Variants in ADCY5 observed in about 807,000 individuals in gnomAD.
ADCY5 encodes the protein adenylate cyclase 5, also known as adenylate cyclase type 5.
ADCY5 carries 30 observed loss-of-function variants against 119.7 expected under a neutral mutation model. The ratio of observed to expected loss-of-function variants is 0.25; its 90% CI spans 0.19 to 0.34. The LOEUF (loss-of-function observed/expected upper bound fraction) is 0.34. Ranked by LOEUF, ADCY5 falls within the 10% of genes least tolerant of loss-of-function variation. The pLI is 1.00. For synonymous variants in ADCY5, 753 were observed against 762.2 expected (o/e 0.99, Z 0.20); for missense variants, 1,324 against 1,775.2 (o/e 0.75, Z 4.57).
chr3:123,329,165 T>C (rs1941642852), intron 5 of ADCY5, among the ~76,000 whole-genome samples: 1 of 152,228 alleles, frequency 6.6e-6, no homozygotes, highest in Non-Finnish European at 1.5e-5. Context: ...ACAGGGAAGT[T>C]ACCACCACTC....
At chr3:123,285,674 A>G (rs1938698292) in intron 20 of ADCY5, among the ~76,000 whole-genome samples, 3 of 152,200 alleles carry the variant, frequency 2.0e-5, no homozygotes. Context: ...TTGCTGGGTC[A>G]TTATGGTGGC....
chr3:123,363,112 C>T lies in ADCY5; in HGVS notation c.1135-10531G>A, dbSNP rs895450634. On this transcript the variant is annotated intron_variant, in intron 1 of 20. Coordinates refer to ENST00000462833, the MANE Select transcript of ADCY5 (RefSeq NM_183357.3). ...GAGCCGAGATCACATCATTGCACTCCAGCCCAGGCAACAGAGCAAGATTCC... is the reference window on the plus strand; with the variant it reads ...GAGCCGAGATCACATCATTGCACTCTAGCCCAGGCAACAGAGCAAGATTCC... 1.7e-4 allele frequency among the ~76,000 whole-genome samples: 24 copies of T among 141,808 alleles called. 1 individual carries two copies. Among genetic ancestry groups the T allele is most frequent in the South Asian group, 2.3e-4 (1 of 4,438 alleles). The allele number at this position is 141,808 out of a possible 152,430, so 93.0% of individuals were successfully genotyped here. A position where few individuals can be genotyped will look rare whatever the true frequency, so the allele number is the denominator to read the frequency against.
intron 1 of ADCY5, among the ~76,000 whole-genome samples, chr3:123,366,257 CA>C (rs1943433595): frequency 6.6e-6 from 1 of 152,200 alleles, no homozygotes; most frequent in Non-Finnish European, 1.5e-5. Context: ...GGAGGCAGGA[CA>C]GGAGGGACCT....
In ADCY5 at chr3:123,284,522, T is replaced by C. The variant is rs1015411951; in HGVS notation, c.*86A>G. 1 of 1,572,562 alleles carries C rather than the reference T, an allele frequency of 6.4e-7. No individual in the cohort carries two copies. Among genetic ancestry groups the C allele is most frequent in the African/African-American group, 1.3e-5 (1 of 74,310 alleles). ...CAGCGCAGCCCTGCGGGCTGGAGCA[T>C]GGCTTCCCCGCCACCCCCGGCACAC... On this transcript the variant is annotated 3_prime_UTR_variant, in exon 21 of 21. Transcript: ENST00000462833.
At chr3:123,414,263 A>G (rs1295382943) in intron 1 of ADCY5, among the ~76,000 whole-genome samples, 1 of 152,156 alleles carries the variant, frequency 6.6e-6, no homozygotes, top group Non-Finnish European at 1.5e-5. Flanking sequence ...CTCACCTACT[A>G]GCTCATCCCA....
chr3:123,334,979 G>A (rs1015322226), intron 3 of ADCY5, among the ~76,000 whole-genome samples: 4 of 152,088 alleles, frequency 2.6e-5, no homozygotes, highest in South Asian at 2.1e-4. Flanking sequence ...CAAGGCTCCC[G>A]AGAGTTGGTG....
chr3:123,372,984 C>A (rs770151571), intron 1 of ADCY5, among the ~76,000 whole-genome samples: 2 of 152,114 alleles, frequency 1.3e-5, no homozygotes, highest in Non-Finnish European at 2.9e-5. Flanking sequence ...AGGGATACTG[C>A]GAGAGGTGGC....
chr3:123,418,448 T>C (rs1233512093), intron 1 of ADCY5, among the ~76,000 whole-genome samples: 1 of 152,204 alleles, frequency 6.6e-6, no homozygotes, highest in Non-Finnish European at 1.5e-5. Flanking sequence ...TCAAGAAGCA[T>C]AGCACCAGCA....
intron 1 of ADCY5, among the ~76,000 whole-genome samples, chr3:123,402,456 C>T (rs1166190717): frequency 6.6e-6 from 1 of 152,228 alleles, no homozygotes; most frequent in African/African-American, 2.4e-5. Flanking sequence ...CGGCAGGATG[C>T]TGGAAGCCAA....
At chr3:123,368,566 C>T (rs1257605926) in intron 1 of ADCY5, among the ~76,000 whole-genome samples, 1 of 152,156 alleles carries the variant, frequency 6.6e-6, no homozygotes, top group East Asian at 1.9e-4. Flanking sequence ...CACTGCACTC[C>T]AGGCTGGGCG....
intron 1 of ADCY5, among the ~76,000 whole-genome samples, chr3:123,407,212 AC>A (rs1944923847): frequency 6.6e-6 from 1 of 150,400 alleles, no homozygotes; most frequent in South Asian, 2.1e-4. Flanking sequence ...CAGACACCCT[AC>A]TGCTCTCAGC....
chr3:123,383,844 TTCC>T lies in ADCY5; in HGVS notation c.1135-31266_1135-31264del, dbSNP rs1303514367. Among the ~76,000 whole-genome samples, 97 of 146,950 alleles carry T rather than the reference TTCC, an allele frequency of 6.6e-4. 1 individual carries two copies. The highest frequency in any genetic ancestry group is 2.6e-4 in the Non-Finnish European group (17 of 66,490). ...AAGGTGCACGTGCACACACACACAC[TTCC>T]TCAAGGCACGCACACACACACACAA... On this transcript the variant is annotated intron_variant, in intron 1 of 20. Transcript: ENST00000462833.
chr3:123,284,517 G>C lies in ADCY5; in HGVS notation c.*91C>G, dbSNP rs1245793040. The C allele has an allele frequency of 7.7e-6, 12 of 1,565,604 alleles. No homozygotes were observed. In the Admixed American group the frequency reaches 8.6e-5, roughly 11 times the overall value. On this transcript the variant is annotated 3_prime_UTR_variant, in exon 21 of 21. Coordinates refer to ENST00000462833, the MANE Select transcript of ADCY5 (RefSeq NM_183357.3). ...CTCAGCAGCGCAGCCCTGCGGGCTGGAGCATGGCTTCCCCGCCACCCCCGG... is the reference window on the plus strand; with the variant it reads ...CTCAGCAGCGCAGCCCTGCGGGCTGCAGCATGGCTTCCCCGCCACCCCCGG...
chr3:123,321,467 G>A (rs891634648), intron 8 of ADCY5, among the ~76,000 whole-genome samples: 4 of 152,128 alleles, frequency 2.6e-5, no homozygotes, highest in Non-Finnish European at 5.9e-5. Flanking sequence ...TATGAATTCC[G>A]CAAAGGGAGA....
chr3:123,326,314 TA>T (rs1324644487), intron 7 of ADCY5, among the ~76,000 whole-genome samples: 1 of 152,214 alleles, frequency 6.6e-6, no homozygotes, highest in African/African-American at 2.4e-5. Context: ...TCTGTCTGTC[TA>T]TCCATCCAAA....
intron 15 of ADCY5, among the ~76,000 whole-genome samples, chr3:123,297,897 AATG>A (rs1204543049): frequency 2.6e-5 from 4 of 152,400 alleles, no homozygotes; most frequent in African/African-American, 9.6e-5. Flanking sequence ...TATATCTTAA[AATG>A]ATATTTTGGC....
At chr3:123,367,878 G>A (rs1943502646) in intron 1 of ADCY5, 2 of 1,522,964 alleles carry the variant, frequency 1.3e-6, no homozygotes, top group African/African-American at 1.4e-5. Context: ...AAGAGAAAAT[G>A]AAACTGCCAC....
At chr3:123,437,714 T>G (rs1349943114) in intron 1 of ADCY5, among the ~76,000 whole-genome samples, 1 of 152,082 alleles carries the variant, frequency 6.6e-6, no homozygotes, top group Non-Finnish European at 1.5e-5. Flanking sequence ...AAAGAAACAT[T>G]TGGGGAAGGC....
intron 1 of ADCY5, among the ~76,000 whole-genome samples, chr3:123,383,416 C>T (rs1291280030): frequency 2.6e-5 from 4 of 152,240 alleles, no homozygotes; most frequent in African/African-American, 9.6e-5. Context: ...ACTCTCTCCA[C>T]TCATGGCTTT....
Sources: gnomAD v4.1 joint callset for allele counts (sites outside exome capture counted in the v4.1 genomes callset) on GRCh38, gnomAD v4.1.1 for gene constraint, MANE v1.5 for transcripts, NCBI Gene and HGNC (gene_info 2026-07-23, HGNC 2026-07-21) for gene names.